The following DIPK1A variants were observed in gnomAD, a reference collection of about 807,000 sequenced individuals.
The protein encoded by DIPK1A is divergent protein kinase domain 1A.
DIPK1A carries 27 observed loss-of-function variants against 40.8 expected under a neutral mutation model. That is an observed-to-expected ratio of 0.66 (90% CI 0.49 to 0.91). The LOEUF (loss-of-function observed/expected upper bound fraction) is 0.91. Among genes scored for constraint, DIPK1A ranks in the 40% least tolerant of loss-of-function variants. The pLI, the probability that DIPK1A is intolerant of heterozygous loss-of-function variation, is 0.00. For missense variants in DIPK1A, 412 were observed against 505.7 expected (o/e 0.81, Z 1.78); for synonymous variants, 166 against 171.3 (o/e 0.97, Z 0.24).
intron 1 of DIPK1A, among the ~76,000 whole-genome samples, chr1:92,928,497 T>C (rs968786143): frequency 2.0e-5 from 3 of 152,258 alleles, no homozygotes; most frequent in African/African-American, 4.8e-5. Context: ...TCTGAAGATA[T>C]GAGTTACCAG....
At chr1:92,959,298 A>G (rs1651964831) in intron 1 of DIPK1A, among the ~76,000 whole-genome samples, 1 of 152,046 alleles carries the variant, frequency 6.6e-6, no homozygotes, top group African/African-American at 2.4e-5. Flanking sequence ...ATAAATAAAT[A>G]AATGAATAAA....
intron 2 of DIPK1A, among the ~76,000 whole-genome samples, chr1:92,864,736 TA>T (rs879735704): frequency 6.1e-5 from 9 of 148,246 alleles, no homozygotes; most frequent in South Asian, 2.1e-4. Flanking sequence ...AGAGAAAATG[TA>T]AAAAAAAAAT....
chr1:92,911,741 C>CT (rs1221021780), intron 1 of DIPK1A, among the ~76,000 whole-genome samples: 1 of 152,052 alleles, frequency 6.6e-6, no homozygotes, highest in Non-Finnish European at 1.5e-5. Context: ...TGGCTCATGC[C>CT]TGTAATCCCA....
intron 1 of DIPK1A, among the ~76,000 whole-genome samples, chr1:92,957,291 C>T (rs945050379): frequency 6.6e-6 from 1 of 152,148 alleles, no homozygotes; most frequent in African/African-American, 2.4e-5. Context: ...CATAATGGCA[C>T]GTGGAAGAAA....
chr1:92,945,955 A>G (rs1391688534), intron 1 of DIPK1A, among the ~76,000 whole-genome samples: 1 of 152,190 alleles, frequency 6.6e-6, no homozygotes, highest in African/African-American at 2.4e-5. Flanking sequence ...GCTAGGTTTT[A>G]ATTATTATTT....
chr1:92,933,176 C>T (rs1487975219), intron 1 of DIPK1A: 6 of 151,786 alleles, frequency 4.0e-5, no homozygotes, highest in Non-Finnish European at 8.8e-5. Flanking sequence ...ACAAAAACCC[C>T]CAAAACCCAA....
intron 2 of DIPK1A, among the ~76,000 whole-genome samples, chr1:92,870,876 C>A (rs1431171407): frequency 1.3e-5 from 2 of 152,144 alleles, no homozygotes; most frequent in Non-Finnish European, 2.9e-5. Flanking sequence ...CAAGGTCATC[C>A]CAGCTCCAGA....
intron 1 of DIPK1A, among the ~76,000 whole-genome samples, chr1:92,878,178 C>A (rs1648210264): frequency 6.6e-6 from 1 of 151,874 alleles, no homozygotes; most frequent in Non-Finnish European, 1.5e-5. Context: ...GGAAACACTG[C>A]AATACAAACA....
chr1:92,857,130 C>A (rs1343271218), intron 2 of DIPK1A, among the ~76,000 whole-genome samples: 1 of 152,084 alleles, frequency 6.6e-6, no homozygotes, highest in East Asian at 1.9e-4. Context: ...AGTAGAAAAA[C>A]ATCATGGCAA....
At chr1:92,840,298 C>T, downstream of DIPK1A, 1 of 432,634 alleles carries the variant, frequency 2.3e-6, no homozygotes, top group Non-Finnish European at 4.3e-6. Flanking sequence ...AGGCATGAAC[C>T]ACCACACCTG....
chr1:92,873,104 A>C (rs935811244), intron 2 of DIPK1A, among the ~76,000 whole-genome samples: 2 of 152,258 alleles, frequency 1.3e-5, no homozygotes, highest in East Asian at 1.9e-4. Context: ...AGGCCATAAA[A>C]GTCAGCTCAC....
downstream of DIPK1A, chr1:92,840,463 C>A: frequency 1.0e-6 from 1 of 966,822 alleles, no homozygotes; most frequent in Non-Finnish European, 1.7e-6. Flanking sequence ...GAGAATCTGG[C>A]TTAGAAGGAC....
At chr1:92,886,024 A>C (rs1449264497) in intron 1 of DIPK1A, among the ~76,000 whole-genome samples, 1 of 152,066 alleles carries the variant, frequency 6.6e-6, no homozygotes, top group Non-Finnish European at 1.5e-5. Flanking sequence ...TATAGTGTTG[A>C]TATATCTTCA....
chr1:92,950,866 T>A (rs13374961), intron 1 of DIPK1A, among the ~76,000 whole-genome samples: 1 of 152,222 alleles, frequency 6.6e-6, no homozygotes, highest in East Asian at 1.9e-4. Context: ...AGCTCTCTTA[T>A]AAAAATCTCT....
chr1:92,942,662 A>C (rs1203513262), intron 1 of DIPK1A, among the ~76,000 whole-genome samples: 1 of 151,672 alleles, frequency 6.6e-6, no homozygotes, highest in Non-Finnish European at 1.5e-5. Flanking sequence ...TAGGTTTTTT[A>C]TTTTTATTTA....
intron 1 of DIPK1A, among the ~76,000 whole-genome samples, chr1:92,925,557 G>A (rs1343108802): frequency 3.3e-5 from 5 of 152,036 alleles, no homozygotes; most frequent in Non-Finnish European, 7.4e-5. Context: ...GCAGGGGTAC[G>A]ATCTCGGCTC....
At chr1:92,860,646 A>AAAAAAAAAAAAACCAGGTG (rs148916481) in intron 2 of DIPK1A, among the ~76,000 whole-genome samples, 2 of 105,210 alleles carry the variant, frequency 1.9e-5, no homozygotes, top group Non-Finnish European at 1.8e-5. Context: ...AAAAAAAAAA[A>AAAAAAAAAAAAACCAGGTG]TGGTGGTGTG....
chr1:92,925,508 G>A (rs1650456246), intron 1 of DIPK1A, among the ~76,000 whole-genome samples: 3 of 151,776 alleles, frequency 2.0e-5, no homozygotes. Context: ...TTTTGCTTTT[G>A]TTTTTGAGAC....
chr1:92,901,629 T>G lies in DIPK1A; in HGVS notation c.55-25199A>C, dbSNP rs1649415328. ...CAATACGGCTCAGTAACAACTCAGG[T>G]CCCAGTGGATGAGGCACTGTGTAGT... On this transcript the variant is annotated intron_variant, in intron 1 of 4. Transcript: ENST00000370310. 2.0e-5 allele frequency among the ~76,000 whole-genome samples: 3 copies of G among 151,952 alleles called. No homozygotes were observed. In the South Asian group the frequency reaches 6.2e-4, roughly 32 times the overall value.
Sources: allele counts gnomAD v4.1 joint callset (sites outside exome capture counted in the v4.1 genomes callset), GRCh38; gene constraint gnomAD v4.1.1; transcripts MANE v1.5; gene names NCBI Gene and HGNC (gene_info 2026-07-23, HGNC 2026-07-21).